The following ITGBL1 variants were observed in gnomAD, a reference collection of about 807,000 sequenced individuals.
The protein encoded by ITGBL1 is integrin beta-like protein 1.
A neutral mutation model predicts 68.5 loss-of-function variants in ITGBL1; 51 were observed. That is an observed-to-expected ratio of 0.74 (90% CI 0.59 to 0.94). ITGBL1 has a LOEUF of 0.94. Among genes scored for constraint, ITGBL1 ranks in the 40% least tolerant of loss-of-function variants. The probability of loss-of-function intolerance (pLI) is 0.00; values close to 1 mark genes in which losing one functional copy is unlikely to be tolerated. For synonymous variants in ITGBL1, 209 were observed against 227.3 expected (o/e 0.92, Z 0.72); for missense variants, 649 against 647.4 (o/e 1.00, Z -0.03).
chr13:101,599,664 G>A (rs1166971750), intron 7 of ITGBL1, among the ~76,000 whole-genome samples: 1 of 152,096 alleles, frequency 6.6e-6, no homozygotes, highest in Non-Finnish European at 1.5e-5. Flanking sequence ...TGGCTAGCCA[G>A]TTTTCCCAGC....
intron 9 of ITGBL1, among the ~76,000 whole-genome samples, chr13:101,708,105 G>C (rs1566800800): frequency 6.6e-6 from 1 of 151,160 alleles, no homozygotes; most frequent in Non-Finnish European, 1.5e-5. Context: ...CCTGAGTAAA[G>C]AATGCTAATA....
At chr13:101,719,113 T>A (rs140681396), downstream of ITGBL1, 1 of 152,158 alleles carries the variant, frequency 6.6e-6, no homozygotes, top group East Asian at 1.9e-4. Context: ...TTTTTGAATA[T>A]GTATCAAATA....
chr13:101,575,647 A>C, intron 4 of ITGBL1, 101 bp downstream of exon 4: 1 of 1,153,822 alleles, frequency 8.7e-7, no homozygotes, highest in East Asian at 2.4e-5. Flanking sequence ...TAGGTGTGCT[A>C]ATGTAGTTTA....
intron 2 of ITGBL1, among the ~76,000 whole-genome samples, chr13:101,538,953 CTT>C (rs2049630585): frequency 6.7e-6 from 1 of 150,258 alleles, no homozygotes; most frequent in African/African-American, 2.4e-5. Context: ...GGTTAAATAA[CTT>C]GCTCAAGTTC....
intron 2 of ITGBL1, among the ~76,000 whole-genome samples, chr13:101,492,429 C>T (rs1566699802): frequency 6.6e-6 from 1 of 152,198 alleles, no homozygotes; most frequent in Non-Finnish European, 1.5e-5. Flanking sequence ...ATCCATTTGG[C>T]TCAATGGAGC....
At chr13:101,541,554 T>G (rs2049702790) in intron 2 of ITGBL1, among the ~76,000 whole-genome samples, 1 of 152,214 alleles carries the variant, frequency 6.6e-6, no homozygotes, top group Admixed American at 6.5e-5. Context: ...GGTATCAGGA[T>G]GATGCTGGCC....
chr13:101,669,898 A>G (rs993945771), intron 7 of ITGBL1, among the ~76,000 whole-genome samples: 1 of 152,148 alleles, frequency 6.6e-6, no homozygotes, highest in African/African-American at 2.4e-5. Context: ...GTCATACATC[A>G]TTGCCTCTAG....
chr13:101,567,765 A>C lies in ITGBL1; in HGVS notation c.383A>C (p.Tyr128Ser). Residue 128 changes from tyrosine (Y) to serine (S), a missense_variant, in exon 3 of 11, where the codon TAC (tyrosine) becomes TCC (serine). Transcript: ENST00000376180. The stretch of plus-strand genomic sequence containing the variant: ...GGATGGTATGGGGATGCTTGCCAGT[A>C]CCCAACTAACTGTGACTTGACAAAG... Reference protein sequence around the residue: ...DQGWYGDACQYPTNCDLTKKK... With the variant: ...DQGWYGDACQSPTNCDLTKKK... The C allele has an allele frequency of 6.2e-7, 1 of 1,613,336 alleles. No homozygotes were observed. The highest frequency in any genetic ancestry group is 8.5e-7 in the Non-Finnish European group (1 of 1,179,448).
At chr13:101,581,719 T>C (rs1249716638) in intron 5 of ITGBL1, among the ~76,000 whole-genome samples, 1 of 152,228 alleles carries the variant, frequency 6.6e-6, no homozygotes, top group African/African-American at 2.4e-5. Context: ...TTCAAAAACA[T>C]AAATACAACT....
chr13:101,557,074 G>T (rs183175958), intron 2 of ITGBL1, among the ~76,000 whole-genome samples: 55 of 152,322 alleles, frequency 3.6e-4, no homozygotes, highest in Admixed American at 3.1e-3. Flanking sequence ...AGACAGAGCG[G>T]TGCCATGCTG....
At chr13:101,493,548 C>T (rs76882582) in intron 2 of ITGBL1, among the ~76,000 whole-genome samples, 312 of 152,166 alleles carry the variant, frequency 2.1e-3, no homozygotes, top group African/African-American at 7.2e-3. Flanking sequence ...TTGTCCGGGA[C>T]GTGCTTCAGC....
At chr13:101,560,099 CA>C (rs1227983724) in intron 2 of ITGBL1, among the ~76,000 whole-genome samples, 1 of 152,132 alleles carries the variant, frequency 6.6e-6, no homozygotes, top group Non-Finnish European at 1.5e-5. Flanking sequence ...GTTTCTATCT[CA>C]AATCATGAAA....
rs1243296974 is a variant in ITGBL1, at chr13:101,649,445, G to C, written c.1016-43140G>C. Among the ~76,000 whole-genome samples, 5 of 152,052 alleles carry C rather than the reference G, an allele frequency of 3.3e-5. No homozygotes were observed. The East Asian group carries it at 5.8e-4, about 18-fold the overall frequency. On this transcript the variant is annotated intron_variant, in intron 7 of 10. Transcript: ENST00000376180. ...TAGACTATAAGGTCAATGTAAGAAGGGTTCCTAAATAAATGATTAAAGAAA... is the reference window on the plus strand; with the variant it reads ...TAGACTATAAGGTCAATGTAAGAAGCGTTCCTAAATAAATGATTAAAGAAA...
In ITGBL1 at chr13:101,535,641, C is replaced by A. The variant is rs183533772; in HGVS notation, c.317-32058C>A. 2.6e-5 allele frequency among the ~76,000 whole-genome samples: 4 copies of A among 152,158 alleles called. No individual in the cohort carries two copies. In the East Asian group the frequency reaches 7.7e-4, roughly 29 times the overall value. On this transcript the variant is annotated intron_variant, in intron 2 of 10. Coordinates refer to ENST00000376180, the MANE Select transcript of ITGBL1 (RefSeq NM_004791.3). Reference sequence around the variant, plus strand: ...AAGGATAAGTTGAGAGTTCATATATCAGAACTGAAAACATGTTGAAGCTAA... The same window carrying A: ...AAGGATAAGTTGAGAGTTCATATATAAGAACTGAAAACATGTTGAAGCTAA...
chr13:101,491,314 C>T (rs1026175455), intron 2 of ITGBL1, among the ~76,000 whole-genome samples: 1 of 152,308 alleles, frequency 6.6e-6, no homozygotes, highest in South Asian at 2.1e-4. Flanking sequence ...CTCCCCGTTA[C>T]CATCACTGCA....
chr13:101,717,844 T>G (rs1178678273), downstream of ITGBL1: 1 of 152,098 alleles, frequency 6.6e-6, no homozygotes, highest in African/African-American at 2.4e-5. Context: ...TCACAAAACC[T>G]CAGGTATGTC....
At chr13:101,589,172 C>A (rs1226308966) in intron 6 of ITGBL1, among the ~76,000 whole-genome samples, 1 of 152,138 alleles carries the variant, frequency 6.6e-6, no homozygotes, top group African/African-American at 2.4e-5. Flanking sequence ...GTCAATTAAT[C>A]TGTAATAAAC....
chr13:101,598,205 G>A lies in ITGBL1; in HGVS notation c.921G>A (p.Gly307=), dbSNP rs764428254. ...GTGACTGCAAAGCAGGCTGGTATGG[G>A]AAGAAGTGTGAGCACCCACAGTCCT... ...GRCDCKAGWY[G]KKCEHPQSCT... Residue 307 remains glycine, a synonymous_variant, in exon 7 of 11, where the codon GGG becomes GGA. Coordinates refer to ENST00000376180, the MANE Select transcript of ITGBL1 (RefSeq NM_004791.3). 3 of 1,613,832 alleles carry A rather than the reference G, an allele frequency of 1.9e-6. No individual in the cohort carries two copies. The Admixed American group carries it at 5.0e-5, about 27-fold the overall frequency.
intron 7 of ITGBL1, among the ~76,000 whole-genome samples, chr13:101,628,462 T>C (rs574875320): frequency 1.1e-4 from 16 of 150,892 alleles, no homozygotes; most frequent in Non-Finnish European, 2.4e-4. Context: ...AGACAAAGTC[T>C]CGCTCTGTCA....
Sources: allele counts gnomAD v4.1 joint callset (sites outside exome capture counted in the v4.1 genomes callset), GRCh38; gene constraint gnomAD v4.1.1; transcripts MANE v1.5; gene names NCBI Gene and HGNC (gene_info 2026-07-23, HGNC 2026-07-21).